ORMDL1: variants seen among roughly 807,000 people sequenced by gnomAD.
The protein encoded by ORMDL1 is ORM1-like protein 1.
A neutral mutation model predicts 13.0 loss-of-function variants in ORMDL1; 10 were observed. That is an observed-to-expected ratio of 0.77 (90% confidence interval 0.47 to 1.30). The LOEUF is 1.30. Ranked by LOEUF, ORMDL1 falls within the 50% of genes most tolerant of loss-of-function variation. The pLI is 0.00. For missense variants in ORMDL1, 171 were observed against 186.7 expected (o/e 0.92, Z 0.49); for synonymous variants, 61 against 63.9 (o/e 0.95, Z 0.22).
rs1388076729 is a variant in ORMDL1 at position 189,783,083 on chromosome 2, C to G, written c.-77G>C. On this transcript the variant is annotated 5_prime_UTR_variant, in exon 2 of 5. Transcript: ENST00000392349. Reference sequence around the variant, plus strand: ...GTATCCATAAAGAATGGTCAGAGTTCAGATCACTTCTTTCTGAATACTCAA... The same window carrying G: ...GTATCCATAAAGAATGGTCAGAGTTGAGATCACTTCTTTCTGAATACTCAA... The G allele has an allele frequency of 1.9e-5, 3 of 155,328 alleles. No individual in the cohort carries two copies. The highest frequency in any genetic ancestry group is 7.2e-5 in the African/African-American group (3 of 41,448). The allele number at this position is 155,328 out of a possible 1,614,324, so 9.6% of individuals were successfully genotyped here.
At chr2:189,782,223 A>G (rs2047861068) in intron 3 of ORMDL1, among the ~76,000 whole-genome samples, 199 bp downstream of exon 3, 1 of 152,152 alleles carries the variant, frequency 6.6e-6, no homozygotes, top group Non-Finnish European at 1.5e-5. Flanking sequence ...CTTTAAATGT[A>G]CAGTTGAGTG....
chr2:189,782,955 C>A, intron 2 of ORMDL1, 59 bp downstream of exon 2: 1 of 176,228 alleles, frequency 5.7e-6, no homozygotes, highest in Non-Finnish European at 1.2e-5. Flanking sequence ...AAGTGAAAAG[C>A]CAAAAGCTAA....
downstream of ORMDL1, among the ~76,000 whole-genome samples, chr2:189,768,708 TAAA>T (rs1218198427): frequency 2.0e-5 from 3 of 151,812 alleles, no homozygotes; most frequent in Non-Finnish European, 4.4e-5. Context: ...TAGGCAGCAT[TAAA>T]AAAAAGCATC....
In ORMDL1 at chr2:189,771,505, C is replaced by T; in HGVS notation, c.*262G>A. 3.7e-6 allele frequency: 1 copy of T among 273,226 alleles called. No individual in the cohort carries two copies. The highest frequency in any genetic ancestry group is 1.2e-4 in the South Asian group (1 of 8,582). 16.9% of individuals were successfully genotyped at this position (273,226 alleles called of 1,614,324 possible). On this transcript the variant is annotated 3_prime_UTR_variant, in exon 5 of 5. Coordinates refer to ENST00000392349, the MANE Select transcript of ORMDL1 (RefSeq NM_016467.5). ...CTTGAATTTATCTACTACACCCTCA[C>T]TGTGATGCCCTTTAACTTATAAGCT... is the stretch of plus-strand genomic sequence containing the variant.
At chr2:189,766,155 G>A (rs1203456128), downstream of ORMDL1, among the ~76,000 whole-genome samples, 1 of 152,038 alleles carries the variant, frequency 6.6e-6, no homozygotes, top group Non-Finnish European at 1.5e-5. Flanking sequence ...TTTCTTTGCT[G>A]ACCAGTATCT....
downstream of ORMDL1, among the ~76,000 whole-genome samples, chr2:189,769,032 A>G (rs1469240909): frequency 8.5e-5 from 13 of 152,168 alleles, no homozygotes; most frequent in Admixed American, 8.5e-4. Flanking sequence ...GTCCTCTTCT[A>G]TTAATATTAT....
intron 4 of ORMDL1, among the ~76,000 whole-genome samples, chr2:189,772,782 T>C (rs1439436512): frequency 6.6e-6 from 1 of 152,228 alleles, no homozygotes; most frequent in Non-Finnish European, 1.5e-5. Context: ...CTGACATTAG[T>C]TTCTCATAAG....
rs911475734 is a variant in ORMDL1 at position 189,770,817 on chromosome 2, CAA to C, written c.*948_*949del. The C allele has an allele frequency of 2.0e-5, 3 of 151,058 alleles. No homozygotes were observed. The highest frequency in any genetic ancestry group is 7.3e-5 in the African/African-American group (3 of 41,188). The allele number at this position is 151,058 out of a possible 1,614,324, so 9.4% of individuals were successfully genotyped here. ...ATGTTATCTTTTACTGCAGACCTGC[CAA>C]AAAAAAGACTCCATTACTTACTTTG... is the stretch of plus-strand genomic sequence containing the variant. On this transcript the variant is annotated 3_prime_UTR_variant, in exon 5 of 5. Coordinates refer to ENST00000392349, the MANE Select transcript of ORMDL1 (RefSeq NM_016467.5).
intron 2 of ORMDL1, 93 bp from the exon 3 acceptor site, chr2:189,782,695 T>A (rs2047890998): frequency 2.5e-6 from 3 of 1,185,266 alleles, no homozygotes; most frequent in Non-Finnish European, 3.6e-6. Context: ...TTGCGAGGAT[T>A]ATTTTTTCCT....
Position 189,771,936 on chromosome 2 carries a change from T to C in ORMDL1, c.327-34A>G, listed in dbSNP as rs776015704. The stretch of plus-strand genomic sequence containing the variant: ...ATAAAAGTTAAGAATATATATAACA[T>C]CCAAAAATAAAATTACTTGGAACTT... On this transcript the variant is annotated intron_variant, in intron 4 of 4. Coordinates refer to ENST00000392349, the MANE Select transcript of ORMDL1 (RefSeq NM_016467.5). 12 of 1,438,438 alleles carry C rather than the reference T, an allele frequency of 8.3e-6. 1 individual carries two copies. In the Middle Eastern group the frequency reaches 5.4e-4, roughly 65 times the overall value. 89.1% of individuals were successfully genotyped at this position (1,438,438 alleles called of 1,614,324 possible).
chr2:189,778,553 T>C (rs2047751423), intron 3 of ORMDL1: 7 of 417,652 alleles, frequency 1.7e-5, no homozygotes, highest in Admixed American at 8.0e-5. Flanking sequence ...AGGGACAGTT[T>C]TGCTGTAGGA....
intron 4 of ORMDL1, among the ~76,000 whole-genome samples, chr2:189,773,570 A>G (rs2047626513): frequency 6.6e-6 from 1 of 152,008 alleles, no homozygotes; most frequent in Non-Finnish European, 1.5e-5. Context: ...AAAAATACAA[A>G]AAGTAGCTGG....
chr2:189,766,787 C>T (rs1425116619), downstream of ORMDL1, among the ~76,000 whole-genome samples: 2 of 151,982 alleles, frequency 1.3e-5, no homozygotes, highest in African/African-American at 4.8e-5. Context: ...GCCTTCCAGC[C>T]CTTGGCAACC....
intron 4 of ORMDL1, chr2:189,773,869 G>A (rs1048337690): frequency 1.3e-5 from 2 of 152,120 alleles, no homozygotes; most frequent in African/African-American, 4.8e-5. Context: ...AATTTAATCA[G>A]AATATTTGAA....
intron 2 of ORMDL1, 79 bp from the exon 3 acceptor site, chr2:189,782,681 T>A: frequency 7.8e-7 from 1 of 1,288,562 alleles, no homozygotes; most frequent in Non-Finnish European, 1.1e-6. Context: ...ACAAGGTACC[T>A]GTGTTGCGAG....
intron 1 of ORMDL1, 95 bp from the exon 2 acceptor site, chr2:189,783,218 T>C (rs1331637216): frequency 6.6e-6 from 1 of 152,266 alleles, no homozygotes; most frequent in Non-Finnish European, 1.5e-5. Flanking sequence ...AGGAGTCTTC[T>C]GAATATTTCT....
chr2:189,769,158 C>T (rs903221259), downstream of ORMDL1, among the ~76,000 whole-genome samples: 5 of 152,060 alleles, frequency 3.3e-5, no homozygotes, highest in African/African-American at 7.2e-5. Flanking sequence ...GAGGTTGAAG[C>T]GGGCAGATCA....
intron 2 of ORMDL1, 191 bp downstream of exon 2, chr2:189,782,823 G>A: frequency 2.4e-6 from 1 of 415,274 alleles, no homozygotes; most frequent in South Asian, 7.2e-5. Context: ...TGTTATTATG[G>A]TTCTATTTGA....
chr2:189,769,048 A>C (rs2047529323), downstream of ORMDL1, among the ~76,000 whole-genome samples: 1 of 152,190 alleles, frequency 6.6e-6, no homozygotes, highest in Non-Finnish European at 1.5e-5. Context: ...ATTATTATTA[A>C]AACAGAACTA....
Sources: gnomAD v4.1 joint callset for allele counts (sites outside exome capture counted in the v4.1 genomes callset) on GRCh38, gnomAD v4.1.1 for gene constraint, MANE v1.5 for transcripts, NCBI Gene and HGNC (gene_info 2026-07-23, HGNC 2026-07-21) for gene names.